CCDC148: variants seen among roughly 807,000 people sequenced by gnomAD.
The protein encoded by CCDC148 is coiled-coil domain containing 148, also known as coiled-coil domain-containing protein 148.
CCDC148 carries 89 observed loss-of-function variants against 85.7 expected under a neutral mutation model. The observed-to-expected ratio is 1.04, with a 90% CI of 0.87 to 1.24. CCDC148 has a LOEUF of 1.24. Ranked by LOEUF, CCDC148 falls within the 50% of genes most tolerant of loss-of-function variation. The pLI, the probability that CCDC148 is intolerant of heterozygous loss-of-function variation, is 0.00. For missense variants in CCDC148, 692 were observed against 671.7 expected (o/e 1.03, Z -0.33); for synonymous variants, 230 against 213.9 (o/e 1.08, Z -0.66).
At chr2:158,179,075 G>T in intron 11 of CCDC148, 79 bp from the exon 12 acceptor site, 3 of 948,172 alleles carry the variant, frequency 3.2e-6, no homozygotes, top group South Asian at 1.5e-5. Context: ...CATAGGGGCA[G>T]AACACATCTC....
intron 10 of CCDC148, among the ~76,000 whole-genome samples, chr2:158,225,690 C>T (rs1320806907): frequency 2.6e-5 from 4 of 152,144 alleles, no homozygotes; most frequent in Non-Finnish European, 4.4e-5. Context: ...CTGAACAATT[C>T]GCTCCTGAAT....
intron 11 of CCDC148, among the ~76,000 whole-genome samples, chr2:158,217,862 C>T (rs931237511): frequency 5.9e-5 from 9 of 151,976 alleles, no homozygotes; most frequent in South Asian, 2.1e-4. Context: ...AAAAAGTGTC[C>T]GTAGTTAAAA....
At chr2:158,265,956 ACT>A (rs888688618) in intron 9 of CCDC148, among the ~76,000 whole-genome samples, 1 of 151,826 alleles carries the variant, frequency 6.6e-6, no homozygotes, top group African/African-American at 2.4e-5. Context: ...ATATATCTAG[ACT>A]CTGTTACTCA....
At chr2:158,414,887 T>C (rs1686425701) in intron 1 of CCDC148, among the ~76,000 whole-genome samples, 1 of 152,178 alleles carries the variant, frequency 6.6e-6, no homozygotes, top group Non-Finnish European at 1.5e-5. Context: ...CCCTGTGGTA[T>C]AAACCTAGAG....
chr2:158,446,349 T>C (rs1010754515), intron 1 of CCDC148, among the ~76,000 whole-genome samples: 8 of 118,886 alleles, frequency 6.7e-5, no homozygotes, highest in Non-Finnish European at 1.4e-4. Flanking sequence ...AGAACTTGTC[T>C]CAAAAAAAAA....
At chr2:158,264,060 A>C (rs571549898) in intron 9 of CCDC148, among the ~76,000 whole-genome samples, 1 of 152,010 alleles carries the variant, frequency 6.6e-6, no homozygotes, top group Admixed American at 6.6e-5. Flanking sequence ...TAGATCAGTA[A>C]CCACTGTAAC....
At chr2:158,354,324 C>A (rs1409242381) in intron 2 of CCDC148, among the ~76,000 whole-genome samples, 3 of 151,934 alleles carry the variant, frequency 2.0e-5, no homozygotes, top group African/African-American at 4.8e-5. Context: ...AATTGATAGA[C>A]CGCTAGCAAG....
intron 9 of CCDC148, among the ~76,000 whole-genome samples, chr2:158,265,240 C>A (rs1689404701): frequency 6.6e-6 from 1 of 152,130 alleles, no homozygotes. Context: ...TTCTATTGAA[C>A]ATTTCCTGCT....
intron 1 of CCDC148, among the ~76,000 whole-genome samples, chr2:158,387,285 T>C (rs72997382): frequency 0.14 from 9,593 of 67,162 alleles, 601 homozygotes; most frequent in African/African-American, 0.29. Context: ...CACATTTATA[T>C]CATTATCTAT....
chr2:158,382,907 T>C (rs1445932518), intron 1 of CCDC148, among the ~76,000 whole-genome samples: 1 of 147,832 alleles, frequency 6.8e-6, no homozygotes, highest in Non-Finnish European at 1.5e-5. Flanking sequence ...GGTGACAGAG[T>C]GAGACTCCGT....
At chr2:158,335,842 T>C (rs1574643967) in intron 7 of CCDC148, among the ~76,000 whole-genome samples, 1 of 152,152 alleles carries the variant, frequency 6.6e-6, no homozygotes, top group East Asian at 1.9e-4. Context: ...CCTGGGAAAA[T>C]GAGGTTGCAC....
At chr2:158,418,859 AAATGAGTGAATC>A in intron 1 of CCDC148, among the ~76,000 whole-genome samples, 1 of 152,330 alleles carries the variant, frequency 6.6e-6, no homozygotes, top group South Asian at 2.1e-4. Context: ...TTTAATGAAC[AAATGAGTGAATC>A]AATGAGTGAA....
intron 3 of CCDC148, among the ~76,000 whole-genome samples, chr2:158,342,497 T>C (rs1004459398): frequency 1.3e-5 from 2 of 152,156 alleles, no homozygotes; most frequent in Non-Finnish European, 2.9e-5. Flanking sequence ...AACCAGAAGT[T>C]ATTCCAGAAC....
chr2:158,250,784 C>A lies in CCDC148; in HGVS notation c.1239G>T (p.Glu413Asp), dbSNP rs759210575. The A allele has an allele frequency of 6.4e-7, 1 of 1,563,494 alleles. No homozygotes were observed. The highest frequency in any genetic ancestry group is 1.9e-5 in the Admixed American group (1 of 53,936). The change falls in exon 10 of 14, where the codon GAG becomes GAT. Residue 413 changes from glutamate (E) to aspartate (D), a missense_variant. Transcript: ENST00000283233. Reference protein sequence around the residue: ...WKKKELLQRAEKKKKIKKYWA... With the variant: ...WKKKELLQRADKKKKIKKYWA... Reference sequence around the variant, plus strand: ...ATAGATTTTTTACTTTTTTTTTCTTCTCTGCTCTTTGCAACAATTCCTTCT... The same window carrying A: ...ATAGATTTTTTACTTTTTTTTTCTTATCTGCTCTTTGCAACAATTCCTTCT...
At chr2:158,308,626 T>C (rs1486441891) in intron 9 of CCDC148, among the ~76,000 whole-genome samples, 3 of 152,222 alleles carry the variant, frequency 2.0e-5, no homozygotes, top group Non-Finnish European at 2.9e-5. Flanking sequence ...TACCATATCA[T>C]TTATCAACTT....
chr2:158,172,334 T>C, intron 13 of CCDC148, 75 bp from the exon 14 acceptor site: 1 of 1,174,450 alleles, frequency 8.5e-7, no homozygotes, highest in South Asian at 1.4e-5. Context: ...TTCCATGTTT[T>C]CCCAAACTAA....
At chr2:158,449,917 T>C (rs757018072) in intron 1 of CCDC148, among the ~76,000 whole-genome samples, 7 of 152,238 alleles carry the variant, frequency 4.6e-5, no homozygotes, top group African/African-American at 7.2e-5. Flanking sequence ...CTATTCTTAG[T>C]ATGTTGAGCA....
At chr2:158,306,965 G>A (rs946085741) in intron 9 of CCDC148, among the ~76,000 whole-genome samples, 8 of 149,808 alleles carry the variant, frequency 5.3e-5, no homozygotes, top group Non-Finnish European at 1.2e-4. Flanking sequence ...CTTGCAGTGA[G>A]CTGAGATCAC....
chr2:158,317,669 G>A (rs1046457619), intron 7 of CCDC148, among the ~76,000 whole-genome samples: 1 of 152,162 alleles, frequency 6.6e-6, no homozygotes, highest in Admixed American at 6.5e-5. Flanking sequence ...TTCTGGTTCC[G>A]TGACATTCAA....
Sources: gnomAD v4.1 joint callset for allele counts (sites outside exome capture counted in the v4.1 genomes callset) on GRCh38, gnomAD v4.1.1 for gene constraint, MANE v1.5 for transcripts, NCBI Gene and HGNC (gene_info 2026-07-23, HGNC 2026-07-21) for gene names.